Variants in TNS3 observed in about 807,000 individuals in gnomAD.
TNS3 encodes tensin 3, also known as tensin-3.
In TNS3, 45 loss-of-function variants were observed where a neutral mutation model predicts 140.9. The ratio of observed to expected loss-of-function variants is 0.32; its 90% CI spans 0.25 to 0.41. TNS3 has a LOEUF of 0.41. Among genes scored for constraint, TNS3 ranks in the 10% least tolerant of loss-of-function variants. The pLI, the probability that TNS3 is intolerant of heterozygous loss-of-function variation, is 1.00. For missense variants in TNS3, 1,716 were observed against 1,906.7 expected (o/e 0.90, Z 1.86); for synonymous variants, 815 against 788.4 (o/e 1.03, Z -0.56).
chr7:47,315,417 T>G (rs977211181), intron 20 of TNS3, among the ~76,000 whole-genome samples: 3 of 152,186 alleles, frequency 2.0e-5, no homozygotes, highest in Non-Finnish European at 2.9e-5. Context: ...ACTTCAGGAA[T>G]GTCTATGCTC....
chr7:47,409,274 C>T (rs866680958), intron 13 of TNS3, among the ~76,000 whole-genome samples: 5 of 150,336 alleles, frequency 3.3e-5, no homozygotes, highest in East Asian at 3.9e-4. Context: ...TGCCCCCGCC[C>T]GCCTGGTCTC....
At chr7:47,311,268 AG>A (rs1787074714) in intron 20 of TNS3, among the ~76,000 whole-genome samples, 1 of 152,126 alleles carries the variant, frequency 6.6e-6, no homozygotes, top group South Asian at 2.1e-4. Flanking sequence ...TTCTGGGGGC[AG>A]GGGGAGGGAT....
At position 47,536,327 on chromosome 7, in the gene TNS3, TAATTC is replaced by T. The variant is rs1409091937; in HGVS notation, c.-264-7185_-264-7181del. The stretch of plus-strand genomic sequence containing the variant: ...GGGAGCCAACCAGCACCGCTCTGTT[TAATTC>T]AGCAATAACTTAGGGAAAGGGAGGC... On this transcript the variant is annotated intron_variant, in intron 1 of 30. Coordinates refer to ENST00000311160, the MANE Select transcript of TNS3 (RefSeq NM_022748.12). 2.2e-3 allele frequency among the ~76,000 whole-genome samples: 212 copies of T among 96,412 alleles called. 3 individuals carry two copies. Among genetic ancestry groups the T allele is most frequent in the Non-Finnish European group, 5.0e-4 (22 of 44,042 alleles). 63.3% of individuals were successfully genotyped at this position (96,412 alleles called of 152,430 possible).
At chr7:47,521,364 C>G (rs1430057714) in intron 2 of TNS3, among the ~76,000 whole-genome samples, 1 of 152,232 alleles carries the variant, frequency 6.6e-6, no homozygotes, top group Non-Finnish European at 1.5e-5. Flanking sequence ...AATGCACCAG[C>G]TGCCGCACCT....
intron 22 of TNS3, 76 bp from the exon 23 acceptor site, chr7:47,302,348 A>G: frequency 8.1e-7 from 1 of 1,237,308 alleles, no homozygotes; most frequent in Non-Finnish European, 1.2e-6. Flanking sequence ...CTGTGATCCC[A>G]GAAGTCCAAA....
At chr7:47,492,949 C>A (rs1432228847) in intron 3 of TNS3, among the ~76,000 whole-genome samples, 3 of 152,186 alleles carry the variant, frequency 2.0e-5, no homozygotes, top group African/African-American at 4.8e-5. Context: ...GAGCCTCGGG[C>A]GATGACATCA....
intron 3 of TNS3, among the ~76,000 whole-genome samples, chr7:47,504,496 A>C (rs2151873691): frequency 6.6e-6 from 1 of 152,360 alleles, no homozygotes; most frequent in East Asian, 1.9e-4. Flanking sequence ...TTAACACAGC[A>C]CACGCTACCA....
intron 10 of TNS3, among the ~76,000 whole-genome samples, chr7:47,419,231 T>C (rs1274150537): frequency 6.6e-6 from 1 of 152,206 alleles, no homozygotes; most frequent in Admixed American, 6.5e-5. Flanking sequence ...TGTAGGTGGC[T>C]TTGCCCACAG....
intron 4 of TNS3, among the ~76,000 whole-genome samples, chr7:47,480,473 C>A (rs1453129892): frequency 1.3e-5 from 2 of 152,224 alleles, no homozygotes; most frequent in East Asian, 1.9e-4. Flanking sequence ...AATTATCCTG[C>A]AAGCTGCTAA....
intron 1 of TNS3, among the ~76,000 whole-genome samples, chr7:47,553,583 G>C (rs946648165): frequency 1.5e-4 from 23 of 152,176 alleles, no homozygotes; most frequent in Admixed American, 7.2e-4. Flanking sequence ...GCTCACTGTT[G>C]AGACTTACTG....
At chr7:47,340,113 A>ATTTTTTTTTTTTTTTT (rs1286394187) in intron 20 of TNS3, among the ~76,000 whole-genome samples, 1 of 42,050 alleles carries the variant, frequency 2.4e-5, no homozygotes, top group Non-Finnish European at 4.4e-5. Context: ...ATATATATAT[A>ATTTTTTTTTTTTTTTT]TATTTTTTTT....
rs148067728 is a variant in TNS3 at position 47,376,726 on chromosome 7, GAC to G, written c.1025-7107_1025-7106del. Among the ~76,000 whole-genome samples the G allele has an allele frequency of 8.3e-3, 1,202 of 144,278 alleles. 20 individuals carry two copies. Among genetic ancestry groups the G allele is most frequent in the African/African-American group, 0.028 (1,093 of 39,046 alleles). 94.7% of individuals were successfully genotyped at this position (144,278 alleles called of 152,430 possible). ...TTCACAGATCAACTATCTAGATCAAGACACACACACACACACACACACACACA... is the reference window on the plus strand; with the variant it reads ...TTCACAGATCAACTATCTAGATCAAGACACACACACACACACACACACACA... On this transcript the variant is annotated intron_variant, in intron 16 of 30. Transcript: ENST00000311160.
At chr7:47,322,820 G>C (rs1787823407) in intron 20 of TNS3, among the ~76,000 whole-genome samples, 1 of 152,124 alleles carries the variant, frequency 6.6e-6, no homozygotes, top group African/African-American at 2.4e-5. Flanking sequence ...CTCAAGAGCA[G>C]CCTGCCTCCG....
Position 47,439,902 on chromosome 7 carries a change from C to T in TNS3, c.-22-244G>A, listed in dbSNP as rs113836418. ...GGGCATGACGGGGTACCGCAAGCTGCGGTCAGGGAACGCACAGAGAGAAAG... is the reference window on the plus strand; with the variant it reads ...GGGCATGACGGGGTACCGCAAGCTGTGGTCAGGGAACGCACAGAGAGAAAG... On this transcript the variant is annotated intron_variant, in intron 5 of 30. Transcript: ENST00000311160. Among the ~76,000 whole-genome samples, 800 of 152,166 alleles carry T rather than the reference C, an allele frequency of 5.3e-3. 6 individuals are homozygous for T. Among genetic ancestry groups the T allele is most frequent in the South Asian group, 0.018 (86 of 4,804 alleles).
At chr7:47,432,980 G>A (rs1794996894) in intron 8 of TNS3, among the ~76,000 whole-genome samples, 1 of 152,156 alleles carries the variant, frequency 6.6e-6, no homozygotes, top group Non-Finnish European at 1.5e-5. Context: ...AGAAACAAAA[G>A]GTATGGTGTG....
chr7:47,394,939 G>A (rs1792740993), intron 16 of TNS3, among the ~76,000 whole-genome samples: 1 of 152,228 alleles, frequency 6.6e-6, no homozygotes, highest in Non-Finnish European at 1.5e-5. Flanking sequence ...ATGAGGGACT[G>A]AGCACAGAGC....
chr7:47,366,305 A>G (rs188540571), intron 17 of TNS3, among the ~76,000 whole-genome samples: 1 of 152,146 alleles, frequency 6.6e-6, no homozygotes, highest in African/African-American at 2.4e-5. Context: ...TAATCTACTC[A>G]TGGGGGACTC....
chr7:47,528,052 G>A (rs1799262507), intron 2 of TNS3, among the ~76,000 whole-genome samples: 1 of 152,154 alleles, frequency 6.6e-6, no homozygotes, highest in Non-Finnish European at 1.5e-5. Context: ...TTAGCGACCA[G>A]GGTGGCCGGT....
At chr7:47,297,795 T>C (rs1031191737) in intron 23 of TNS3, among the ~76,000 whole-genome samples, 1 of 151,124 alleles carries the variant, frequency 6.6e-6, no homozygotes, top group Non-Finnish European at 1.5e-5. Flanking sequence ...GTTTTTTTTT[T>C]TTTTTTTTTT....
Sources: gnomAD v4.1 joint callset for allele counts (sites outside exome capture counted in the v4.1 genomes callset) on GRCh38, gnomAD v4.1.1 for gene constraint, MANE v1.5 for transcripts, NCBI Gene and HGNC (gene_info 2026-07-23, HGNC 2026-07-21) for gene names.